SGCD: variants seen among roughly 807,000 people sequenced by gnomAD.
SGCD encodes the protein delta-sarcoglycan.
In SGCD, 18 loss-of-function variants were observed where a neutral mutation model predicts 36.6. The observed-to-expected ratio is 0.49, with a 90% CI of 0.34 to 0.73. The LOEUF (loss-of-function observed/expected upper bound fraction) is 0.73. SGCD is among the 30% of genes least tolerant of loss of function. The probability of loss-of-function intolerance (pLI) is 0.01; values close to 1 mark genes in which losing one functional copy is unlikely to be tolerated. For missense variants in SGCD, 387 were observed against 346.7 expected (o/e 1.12, Z -0.92); for synonymous variants, 133 against 130.6 (o/e 1.02, Z -0.12).
chr5:155,807,276 G>A, the SGCD span, among the ~76,000 whole-genome samples: 1 of 152,218 alleles, frequency 6.6e-6, no homozygotes, highest in African/African-American at 2.4e-5. Context: ...GGTACTGTCT[G>A]TAATAGCACA....
intron 1 of SGCD, among the ~76,000 whole-genome samples, chr5:155,891,546 AAAAT>A (rs1162673107): frequency 1.1e-5 from 1 of 88,328 alleles, no homozygotes; most frequent in African/African-American, 5.1e-5. Context: ...ATTCCAGAGA[AAAAT>A]AAATACTCTT....
chr5:156,730,127 A>G (rs1311736730), intron 7 of SGCD, among the ~76,000 whole-genome samples: 1 of 152,226 alleles, frequency 6.6e-6, no homozygotes, highest in East Asian at 1.9e-4. Flanking sequence ...CAAGTATATA[A>G]TTAGAATTTT....
intron 3 of SGCD, among the ~76,000 whole-genome samples, chr5:156,498,558 T>G (rs1413320993): frequency 6.6e-6 from 1 of 152,208 alleles, no homozygotes; most frequent in Non-Finnish European, 1.5e-5. Flanking sequence ...TCAGTTATCA[T>G]AATTTTTGAG....
chr5:156,095,140 C>A (rs1010829040), intron 1 of SGCD, among the ~76,000 whole-genome samples: 11 of 152,196 alleles, frequency 7.2e-5, no homozygotes, highest in African/African-American at 2.2e-4. Flanking sequence ...TGATACTAGA[C>A]CCCTAGTTGT....
At chr5:156,150,982 A>C (rs1187414321) in intron 3 of SGCD, among the ~76,000 whole-genome samples, 1 of 151,746 alleles carries the variant, frequency 6.6e-6, no homozygotes, top group Admixed American at 6.5e-5. Flanking sequence ...ATATGACTTC[A>C]GTAGATAAAC....
chr5:156,738,275 G>A (rs1647205175), intron 7 of SGCD, among the ~76,000 whole-genome samples: 1 of 152,326 alleles, frequency 6.6e-6, no homozygotes, highest in South Asian at 2.1e-4. Context: ...ATAGTTTGGG[G>A]ATGGAGGGTA....
At chr5:155,985,971 T>G (rs1329999970) in intron 1 of SGCD, among the ~76,000 whole-genome samples, 1 of 152,184 alleles carries the variant, frequency 6.6e-6, no homozygotes, top group Non-Finnish European at 1.5e-5. Flanking sequence ...AATTTTCTCC[T>G]GGTGGTCTAA....
chr5:156,466,414 C>A (rs1234518478), intron 3 of SGCD, among the ~76,000 whole-genome samples: 1 of 152,162 alleles, frequency 6.6e-6, no homozygotes, highest in Admixed American at 6.6e-5. Context: ...TGACGACTAT[C>A]GGGCGTTCAA....
intron 6 of SGCD, among the ~76,000 whole-genome samples, chr5:156,630,776 A>G (rs1366630274): frequency 6.6e-6 from 1 of 152,202 alleles, no homozygotes; most frequent in Non-Finnish European, 1.5e-5. Flanking sequence ...ACAGTGCTGG[A>G]TAGTAAGATT....
chr5:155,851,378 A>T, the SGCD span, among the ~76,000 whole-genome samples: 3 of 152,036 alleles, frequency 2.0e-5, no homozygotes, highest in Non-Finnish European at 2.9e-5. Context: ...AAGCGAAGGC[A>T]CTTTCCATGG....
At chr5:156,611,270 G>T (rs887666012) in intron 6 of SGCD, among the ~76,000 whole-genome samples, 2 of 152,144 alleles carry the variant, frequency 1.3e-5, no homozygotes, top group African/African-American at 4.8e-5. Context: ...TCATTTCCAG[G>T]TGTGGCACTC....
chr5:156,489,947 A>C (rs754429648), intron 3 of SGCD, among the ~76,000 whole-genome samples: 15 of 151,998 alleles, frequency 9.9e-5, no homozygotes, highest in Non-Finnish European at 1.5e-4. Context: ...ATTTTTGGTG[A>C]GATAAAATGG....
At chr5:156,321,975 C>A (rs990504266), upstream of SGCD, among the ~76,000 whole-genome samples, 1 of 152,168 alleles carries the variant, frequency 6.6e-6, no homozygotes, top group Non-Finnish European at 1.5e-5. Context: ...CCGATGAACG[C>A]CTCTTTTCAG....
At chr5:155,833,277 A>G in the SGCD span, among the ~76,000 whole-genome samples, 1 of 152,122 alleles carries the variant, frequency 6.6e-6, no homozygotes, top group African/African-American at 2.4e-5. Context: ...AGTATAAAGA[A>G]GTAATCACTG....
intron 1 of SGCD, among the ~76,000 whole-genome samples, chr5:155,911,430 T>C (rs1756628923): frequency 6.6e-6 from 1 of 151,838 alleles, no homozygotes; most frequent in Admixed American, 6.6e-5. Context: ...CTTCTAACCT[T>C]AATAGCCTCT....
chr5:156,712,374 G>T (rs551941551), intron 7 of SGCD, among the ~76,000 whole-genome samples: 1 of 152,160 alleles, frequency 6.6e-6, no homozygotes, highest in Non-Finnish European at 1.5e-5. Context: ...TGAGCTGTTG[G>T]TATAGAGAGT....
chr5:155,832,984 C>G, the SGCD span, among the ~76,000 whole-genome samples: 2 of 145,592 alleles, frequency 1.4e-5, no homozygotes, highest in Non-Finnish European at 3.0e-5. Context: ...GAGGCTGAGG[C>G]GGATCACGAG....
At chr5:156,248,305 A>C (rs920671191) in intron 3 of SGCD, among the ~76,000 whole-genome samples, 1 of 152,124 alleles carries the variant, frequency 6.6e-6, no homozygotes, top group African/African-American at 2.4e-5. Context: ...GCAGATTACA[A>C]GGTCAAGAGA....
intron 1 of SGCD, among the ~76,000 whole-genome samples, chr5:156,041,817 C>T (rs1436575662): frequency 6.6e-6 from 1 of 152,046 alleles, no homozygotes; most frequent in Non-Finnish European, 1.5e-5. Flanking sequence ...GAAGAGGTTC[C>T]AGAAAGAATA....
Sources: allele counts gnomAD v4.1 joint callset (sites outside exome capture counted in the v4.1 genomes callset), GRCh38; gene constraint gnomAD v4.1.1; transcripts MANE v1.5; gene names NCBI Gene and HGNC (gene_info 2026-07-23, HGNC 2026-07-21).